Variants in PHACTR4 observed in about 807,000 individuals in gnomAD.
PHACTR4 encodes phosphatase and actin regulator 4.
Under a neutral mutation model 72.7 loss-of-function variants are expected in PHACTR4, and 51 were observed. The ratio of observed to expected loss-of-function variants is 0.70; its 90% confidence interval spans 0.56 to 0.89. The LOEUF (loss-of-function observed/expected upper bound fraction) is 0.89. Ranked by LOEUF, PHACTR4 falls within the 40% of genes least tolerant of loss-of-function variation. The probability of loss-of-function intolerance (pLI) is 0.00; values close to 1 mark genes in which losing one functional copy is unlikely to be tolerated. For synonymous variants in PHACTR4, 255 were observed against 302.5 expected (o/e 0.84, Z 1.63); for missense variants, 731 against 861.8 (o/e 0.85, Z 1.90).
intron 8 of PHACTR4, among the ~76,000 whole-genome samples, chr1:28,476,860 T>G (rs1322177467): frequency 6.9e-6 from 1 of 145,792 alleles, no homozygotes; most frequent in African/African-American, 2.5e-5. Flanking sequence ...AACCTCCACC[T>G]CCCAGGTTCA....
chr1:28,395,762 G>A (rs1057255550), intron 1 of PHACTR4, among the ~76,000 whole-genome samples: 17 of 143,898 alleles, frequency 1.2e-4, no homozygotes, highest in South Asian at 4.3e-4. Flanking sequence ...TCAACCTCCC[G>A]AGTAGCTGGG....
chr1:28,402,084 GTAA>G (rs1466538046), intron 1 of PHACTR4, among the ~76,000 whole-genome samples: 2 of 152,142 alleles, frequency 1.3e-5, no homozygotes, highest in East Asian at 3.9e-4. Context: ...ATAAGACTTG[GTAA>G]TGATTTAATT....
intron 2 of PHACTR4, among the ~76,000 whole-genome samples, chr1:28,429,068 G>T (rs1656056948): frequency 6.6e-6 from 1 of 152,150 alleles, no homozygotes; most frequent in Non-Finnish European, 1.5e-5. Flanking sequence ...AGAATAGGAG[G>T]CAGTTTGTTT....
At chr1:28,435,253 A>G (rs1264650715) in intron 2 of PHACTR4, among the ~76,000 whole-genome samples, 2 of 152,026 alleles carry the variant, frequency 1.3e-5, no homozygotes, top group Non-Finnish European at 2.9e-5. Context: ...ATCCTTACAA[A>G]TTCCCTGTAT....
In PHACTR4 at chr1:28,496,562, A is replaced by G. The variant is rs778623332; in HGVS notation, c.*13A>G. ...CCATCGTCCATGATGCCAAAGGTTGAGAGAGGAATCAACATGGCTGCTTTG... is the reference window on the plus strand; with the variant it reads ...CCATCGTCCATGATGCCAAAGGTTGGGAGAGGAATCAACATGGCTGCTTTG... On this transcript the variant is annotated 3_prime_UTR_variant, in exon 14 of 14. Transcript: ENST00000373839. 8.1e-6 allele frequency: 13 copies of G among 1,613,796 alleles called. No individual in the cohort carries two copies. Among genetic ancestry groups the G allele is most frequent in the Non-Finnish European group, 1.1e-5 (13 of 1,179,908 alleles).
chr1:28,462,466 C>T (rs1658882124), intron 4 of PHACTR4, among the ~76,000 whole-genome samples: 1 of 152,098 alleles, frequency 6.6e-6, no homozygotes, highest in Non-Finnish European at 1.5e-5. Context: ...CTCCTGGGTT[C>T]AAGCAATTCT....
At position 28,457,982 on chromosome 1, in the gene PHACTR4, AAACT is replaced by A. The variant is rs548978947; in HGVS notation, c.17-1092_17-1089del. The A allele has an allele frequency of 2.7e-3, 1,295 of 471,588 alleles. 2 individuals carry two copies. The highest frequency in any genetic ancestry group is 8.3e-3 in the Middle Eastern group (8 of 964). 29.2% of individuals were successfully genotyped at this position (471,588 alleles called of 1,614,324 possible). A position where few individuals can be genotyped will look rare whatever the true frequency, so the allele number is the denominator to read the frequency against. On this transcript the variant is annotated intron_variant, in intron 2 of 13. Transcript: ENST00000373839. ...CTTGGCTCTCCTTTCTCTGCCATTA[AAACT>A]AACTAACTAAACCCTGCATGCATGG...
At chr1:28,445,607 C>A (rs1657408854) in intron 2 of PHACTR4, among the ~76,000 whole-genome samples, 1 of 152,060 alleles carries the variant, frequency 6.6e-6, no homozygotes, top group African/African-American at 2.4e-5. Flanking sequence ...TTCCTACATT[C>A]CTTTTCCATA....
intron 2 of PHACTR4, among the ~76,000 whole-genome samples, chr1:28,416,094 C>A (rs770530365): frequency 1.3e-5 from 2 of 152,094 alleles, no homozygotes; most frequent in African/African-American, 2.4e-5. Flanking sequence ...TAACATAGTC[C>A]TTCCCTCCCT....
rs1453884280 is a variant in PHACTR4, at chr1:28,487,851, T to C, written c.1761-1319T>C. Reference sequence around the variant, plus strand: ...TCCCAGGTTCAAGCATTCTCCTGCCTCAGCCTCCCGAGTAGCTGGGACTAC... The same window carrying C: ...TCCCAGGTTCAAGCATTCTCCTGCCCCAGCCTCCCGAGTAGCTGGGACTAC... On this transcript the variant is annotated intron_variant, in intron 9 of 13. Coordinates refer to ENST00000373839, the MANE Select transcript of PHACTR4 (RefSeq NM_001048183.3). Among the ~76,000 whole-genome samples the C allele has an allele frequency of 2.1e-5, 3 of 145,286 alleles. No homozygotes were observed. In the East Asian group the frequency reaches 6.6e-4, roughly 32 times the overall value.
At chr1:28,409,664 A>G (rs370418881) in intron 2 of PHACTR4, among the ~76,000 whole-genome samples, 1 of 152,166 alleles carries the variant, frequency 6.6e-6, no homozygotes, top group African/African-American at 2.4e-5. Flanking sequence ...TAAAAATACT[A>G]CTATATAATA....
At chr1:28,473,091 A>T (rs1022856753) in intron 6 of PHACTR4, among the ~76,000 whole-genome samples, 1 of 151,486 alleles carries the variant, frequency 6.6e-6, no homozygotes, top group Admixed American at 6.6e-5. Flanking sequence ...CCTGGCCAAC[A>T]TGGTGAAAGC....
At chr1:28,477,363 C>A (rs990486830) in intron 8 of PHACTR4, among the ~76,000 whole-genome samples, 8 of 151,718 alleles carry the variant, frequency 5.3e-5, no homozygotes, top group African/African-American at 1.9e-4. Context: ...TAGGTGTGAG[C>A]CACTGTGCCC....
chr1:28,462,777 C>T (rs1658906775), intron 4 of PHACTR4, among the ~76,000 whole-genome samples: 1 of 152,178 alleles, frequency 6.6e-6, no homozygotes, highest in Admixed American at 6.6e-5. Flanking sequence ...TGCCATTCTG[C>T]CAACCAGATA....
chr1:28,411,833 A>T (rs924078765), intron 2 of PHACTR4, among the ~76,000 whole-genome samples: 2 of 152,018 alleles, frequency 1.3e-5, no homozygotes, highest in Admixed American at 6.6e-5. Context: ...GGAAAAAAAG[A>T]AAACAGAAAC....
chr1:28,473,285 A>AAAC, intron 6 of PHACTR4, among the ~76,000 whole-genome samples: 2 of 151,922 alleles, frequency 1.3e-5, no homozygotes, highest in African/African-American at 2.4e-5. Context: ...CAAAAAAAAA[A>AAAC]AAAAAAAAAA....
At chr1:28,427,041 AAT>A (rs1288407512) in intron 2 of PHACTR4, among the ~76,000 whole-genome samples, 3 of 60,824 alleles carry the variant, frequency 4.9e-5, no homozygotes, top group Non-Finnish European at 9.4e-5. Flanking sequence ...TCATTTTAAT[AAT>A]ACAAATGTAA....
intron 8 of PHACTR4, among the ~76,000 whole-genome samples, chr1:28,479,624 G>A (rs1660148828): frequency 2.0e-5 from 3 of 149,578 alleles, no homozygotes; most frequent in South Asian, 4.3e-4. Flanking sequence ...GGTGGCTCAC[G>A]CCTATAATCC....
intron 2 of PHACTR4, among the ~76,000 whole-genome samples, chr1:28,431,839 C>T (rs1656287263): frequency 6.6e-6 from 1 of 152,218 alleles, no homozygotes; most frequent in Non-Finnish European, 1.5e-5. Flanking sequence ...TTTGGAGCAA[C>T]TTGTGCTGTT....
Sources: allele counts gnomAD v4.1 joint callset (sites outside exome capture counted in the v4.1 genomes callset), GRCh38; gene constraint gnomAD v4.1.1; transcripts MANE v1.5; gene names NCBI Gene and HGNC (gene_info 2026-07-23, HGNC 2026-07-21).